The following QRSL1 variants were observed in gnomAD, a reference collection of about 807,000 sequenced individuals.
QRSL1 encodes the protein glutamyl-tRNA(Gln) amidotransferase subunit A, mitochondrial.
In QRSL1, 54 loss-of-function variants were observed where a neutral mutation model predicts 61.6. The observed-to-expected ratio is 0.88, with a 90% CI of 0.70 to 1.10. QRSL1 has a LOEUF of 1.10. Ranked by LOEUF, QRSL1 falls within the 50% of genes least tolerant of loss-of-function variation. The pLI, the probability that QRSL1 is intolerant of heterozygous loss-of-function variation, is 0.00. For missense variants in QRSL1, 505 were observed against 622.6 expected, an observed-to-expected ratio of 0.81 and a Z score of 2.01; for synonymous variants, 228 against 225.7, an observed-to-expected ratio of 1.01 and a Z score of -0.09.
rs763330687 is a variant in QRSL1 at position 106,640,834 on chromosome 6, G to T, written c.196G>T (p.Gly66Trp). 6.2e-7 allele frequency: 1 copy of T among 1,613,250 alleles called. No homozygotes were observed. The highest frequency in any genetic ancestry group is 1.7e-5 in the Admixed American group (1 of 59,964). ...EKRYKNGQSL[G>W]DLDGIPIAVK... ...GCTTTTTAATGCAGGACAGTCACTT[G>T]GGGATTTAGATGGAATTCCTATTGC... is the stretch of plus-strand genomic sequence containing the variant. Residue 66 changes from glycine to tryptophan, a missense_variant, in exon 3 of 11, where the codon GGG becomes TGG. Physicochemically the swap from Gly to Trp is radical, Grantham distance 184. Transcript: ENST00000369046.
chr6:106,642,435 CA>C (rs1167579484), intron 3 of QRSL1: 1 of 592,084 alleles, frequency 1.7e-6, no homozygotes, highest in Non-Finnish European at 3.1e-6. Context: ...TGGCGGGAAC[CA>C]CCATCATCCA....
intron 4 of QRSL1, among the ~76,000 whole-genome samples, chr6:106,644,170 C>CCTT (rs1562166938): frequency 6.6e-6 from 1 of 152,148 alleles, no homozygotes; most frequent in Admixed American, 6.6e-5. Flanking sequence ...CCACGCCCGG[C>CCTT]CTTCTTTTCT....
chr6:106,647,027 CAAAAAAAAAAAAAAAAA>C (rs57402820), intron 4 of QRSL1, among the ~76,000 whole-genome samples: 21 of 81,446 alleles, frequency 2.6e-4, no homozygotes, highest in Non-Finnish European at 4.9e-4. Flanking sequence ...GACTCCTTCT[CAAAAAAAAAAAAAAAAA>C]AAAAAAAAAA....
chr6:106,665,634 A>G lies in QRSL1; in HGVS notation c.1367-148A>G, dbSNP rs3121448. ...AGATATATTGTTAAGTAAACAAAAC[A>G]TAGTACAAAAGCATTATATAGCATA... On this transcript the variant is annotated intron_variant, in intron 10 of 10. Transcript: ENST00000369046. The G allele has an allele frequency of 0.35, 243,227 of 685,818 alleles. 46,298 individuals are homozygous for G. The highest frequency in any genetic ancestry group is 0.41 in the Non-Finnish European group (159,889 of 389,864). 42.5% of individuals were successfully genotyped at this position (685,818 alleles called of 1,614,324 possible). A position where few individuals can be genotyped will look rare whatever the true frequency, so the allele number is the denominator to read the frequency against.
chr6:106,658,020 A>G (rs555040415), intron 9 of QRSL1, among the ~76,000 whole-genome samples: 2 of 152,224 alleles, frequency 1.3e-5, no homozygotes, highest in Non-Finnish European at 2.9e-5. Context: ...GTTTATTTTT[A>G]ATTGACATAA....
chr6:106,640,766 A>C (rs1777004434), intron 2 of QRSL1, 57 bp from the exon 3 acceptor site: 1 of 1,411,222 alleles, frequency 7.1e-7, no homozygotes, highest in Non-Finnish European at 1.0e-6. Context: ...ACATGTATTC[A>C]TGTATCTTTA....
At chr6:106,641,413 G>C (rs543198594) in intron 3 of QRSL1, among the ~76,000 whole-genome samples, 1 of 152,298 alleles carries the variant, frequency 6.6e-6, no homozygotes, top group Admixed American at 6.5e-5. Context: ...TGTGGATGAC[G>C]TGAGGATTCA....
At chr6:106,632,768 T>C (rs1776858199) in intron 1 of QRSL1, among the ~76,000 whole-genome samples, 1 of 152,228 alleles carries the variant, frequency 6.6e-6, no homozygotes, top group African/African-American at 2.4e-5. Context: ...TTTTGAGAAA[T>C]GTCTATTCCA....
At position 106,649,199 on chromosome 6, in the gene QRSL1, C is replaced by A. The variant is rs763443331; in HGVS notation, c.555C>A (p.Tyr185Ter). 3.1e-6 allele frequency: 5 copies of A among 1,613,700 alleles called. No individual in the cohort carries two copies. The highest frequency in any genetic ancestry group is 4.2e-6 in the Non-Finnish European group (5 of 1,179,876). ...CTGCTGTATCGGCGTTCACATGCTA[C>A]GCGTAAGATGCTTTTCTCTATCTGT... ...SAAAVSAFTCYAALGSDTGGS... is the reference protein window; with the variant it reads ...SAAAVSAFTC Residue 185 changes from tyrosine (Y) to a stop codon, truncating the protein, a stop_gained and splice_region_variant, in exon 5 of 11, where the codon TAC becomes TAA. Transcript: ENST00000369046. LOFTEE classifies it high-confidence loss of function.
At chr6:106,654,705 T>C (rs775454771) in intron 7 of QRSL1, 25 bp from the exon 8 acceptor site, 11 of 1,580,472 alleles carry the variant, frequency 7.0e-6, no homozygotes, top group Non-Finnish European at 9.5e-6. Flanking sequence ...AGTTCCAATT[T>C]TGTATCTTGA....
At chr6:106,652,956 G>C (rs1777211932) in intron 7 of QRSL1, 1 of 490,916 alleles carries the variant, frequency 2.0e-6, no homozygotes, top group Non-Finnish European at 3.4e-6. Flanking sequence ...GTGTGTCTCT[G>C]TTCCAATAAA....
intron 4 of QRSL1, 63 bp downstream of exon 4, chr6:106,643,153 T>G: frequency 1.8e-6 from 2 of 1,134,676 alleles, no homozygotes; most frequent in Non-Finnish European, 2.6e-6. Flanking sequence ...TCACTAAATG[T>G]AGTTACCTAA....
At chr6:106,643,846 A>T (rs1385615496) in intron 4 of QRSL1, among the ~76,000 whole-genome samples, 3 of 151,620 alleles carry the variant, frequency 2.0e-5, no homozygotes, top group Non-Finnish European at 4.4e-5. Context: ...CCAGTTTATC[A>T]ATTTTTTTCT....
chr6:106,634,044 T>G (rs1300590838), intron 1 of QRSL1, among the ~76,000 whole-genome samples: 3 of 152,028 alleles, frequency 2.0e-5, no homozygotes, highest in Non-Finnish European at 4.4e-5. Flanking sequence ...TTGGGGGAGC[T>G]GGACATTTTA....
intron 10 of QRSL1, among the ~76,000 whole-genome samples, chr6:106,663,718 T>C (rs1777394922): frequency 6.6e-6 from 1 of 152,176 alleles, no homozygotes; most frequent in African/African-American, 2.4e-5. Flanking sequence ...CAACATGAGA[T>C]TTGTGTGGGG....
At chr6:106,650,316 A>C (rs1435531283) in intron 5 of QRSL1, among the ~76,000 whole-genome samples, 1 of 152,202 alleles carries the variant, frequency 6.6e-6, no homozygotes, top group African/African-American at 2.4e-5. Context: ...AAAATTGTGA[A>C]AGCAACAGTC....
chr6:106,647,027 C>CAAAAAAAA (rs57402820), intron 4 of QRSL1, among the ~76,000 whole-genome samples: 1 of 81,450 alleles, frequency 1.2e-5, no homozygotes, highest in African/African-American at 4.5e-5. Context: ...GACTCCTTCT[C>CAAAAAAAA]AAAAAAAAAA....
At position 106,640,517 on chromosome 6, in the gene QRSL1, C is replaced by T; in HGVS notation, c.184+9C>T. 4 of 1,543,478 alleles carry T rather than the reference C, an allele frequency of 2.6e-6. No individual in the cohort carries two copies. Among genetic ancestry groups the T allele is most frequent in the Non-Finnish European group, 3.5e-6 (4 of 1,147,910 alleles). On this transcript the variant is annotated intron_variant, in intron 2 of 10. Coordinates refer to ENST00000369046, the MANE Select transcript of QRSL1 (RefSeq NM_018292.5). ...AAAGAGATATAAGAATGGTAAATTGCTTTTAACTATACTTAATTGTTATAT... is the reference window on the plus strand; with the variant it reads ...AAAGAGATATAAGAATGGTAAATTGTTTTTAACTATACTTAATTGTTATAT...
intron 4 of QRSL1, among the ~76,000 whole-genome samples, chr6:106,644,667 C>T (rs1222086057): frequency 2.0e-5 from 3 of 151,944 alleles, no homozygotes; most frequent in East Asian, 1.9e-4. Flanking sequence ...ATTACAGGCA[C>T]GCACCACCGG....
Sources: allele counts gnomAD v4.1 joint callset (sites outside exome capture counted in the v4.1 genomes callset), GRCh38; gene constraint gnomAD v4.1.1; transcripts MANE v1.5; gene names NCBI Gene and HGNC (gene_info 2026-07-23, HGNC 2026-07-21).